The following RAP1GAP2 variants were observed in gnomAD, a reference collection of about 807,000 sequenced individuals.
RAP1GAP2 encodes RAP1 GTPase activating protein 2.
RAP1GAP2 carries 27 observed loss-of-function variants against 95.0 expected under a neutral mutation model. The ratio of observed to expected loss-of-function variants is 0.28; its 90% CI spans 0.21 to 0.39. The LOEUF is 0.39. Ranked by LOEUF, RAP1GAP2 falls within the 10% of genes least tolerant of loss-of-function variation. RAP1GAP2 has a pLI of 1.00. For missense variants in RAP1GAP2, 771 were observed against 970.0 expected (o/e 0.79, Z 2.72); for synonymous variants, 373 against 380.9 (o/e 0.98, Z 0.24).
intron 2 of RAP1GAP2, among the ~76,000 whole-genome samples, chr17:2,820,911 T>TTTTTTG (rs1300122258): frequency 7.1e-6 from 1 of 141,324 alleles, no homozygotes; most frequent in African/African-American, 2.6e-5. Context: ...TTTTTTTTTG[T>TTTTTTG]ATTTTTAGTA....
intron 12 of RAP1GAP2, among the ~76,000 whole-genome samples, chr17:2,992,152 C>T (rs1212049856): frequency 6.7e-6 from 1 of 148,696 alleles, no homozygotes; most frequent in Non-Finnish European, 1.5e-5. Flanking sequence ...GGAGTCCATA[C>T]AACAGTCTAT....
At chr17:2,865,507 A>T (rs918631292) in intron 2 of RAP1GAP2, among the ~76,000 whole-genome samples, 2 of 152,214 alleles carry the variant, frequency 1.3e-5, no homozygotes, top group African/African-American at 4.8e-5. Context: ...ATGAACTGGA[A>T]GGTCCCGGCT....
chr17:2,813,340 G>A (rs909633999), intron 2 of RAP1GAP2, among the ~76,000 whole-genome samples: 2 of 152,098 alleles, frequency 1.3e-5, no homozygotes, highest in Admixed American at 6.6e-5. Flanking sequence ...CTCCCAAAGT[G>A]CTGGGAATAC....
intron 2 of RAP1GAP2, among the ~76,000 whole-genome samples, chr17:2,884,040 G>A (rs143109450): frequency 4.6e-5 from 7 of 152,352 alleles, no homozygotes; most frequent in Non-Finnish European, 1.0e-4. Context: ...GGGAGAGCAG[G>A]TGTGTCCTTT....
At chr17:2,776,631 G>T (rs1370991016), upstream of RAP1GAP2, among the ~76,000 whole-genome samples, 1 of 151,564 alleles carries the variant, frequency 6.6e-6, no homozygotes, top group Non-Finnish European at 1.5e-5. Flanking sequence ...TGGCGGAGGC[G>T]CGGCGAGGGC....
At chr17:2,962,888 C>T (rs1168708170) in intron 5 of RAP1GAP2, 174 bp downstream of exon 5, 3 of 633,312 alleles carry the variant, frequency 4.7e-6, no homozygotes, top group Non-Finnish European at 7.9e-6. Flanking sequence ...CGGTGGGCAG[C>T]AGAGGGGTCC....
rs990593437 is a variant in RAP1GAP2 at position 2,926,125 on chromosome 17, CAA to C, written c.165+20775_165+20776del. Among the ~76,000 whole-genome samples, 24 of 59,636 alleles carry C rather than the reference CAA, an allele frequency of 4.0e-4. No homozygotes were observed. In the South Asian group the frequency reaches 4.3e-3, roughly 11 times the overall value. 39.1% of individuals were successfully genotyped at this position (59,636 alleles called of 152,430 possible). A position where few individuals can be genotyped will look rare whatever the true frequency, so the allele number is the denominator to read the frequency against. ...CGGGCAACACAGCAAGCCTCTGTCT[CAA>C]AAAAAAAAAAAAAAAAAGGAACCTG... On this transcript the variant is annotated intron_variant, in intron 3 of 24. Coordinates refer to ENST00000254695, the MANE Select transcript of RAP1GAP2 (RefSeq NM_015085.5).
At chr17:2,865,058 G>A (rs955072138) in intron 2 of RAP1GAP2, among the ~76,000 whole-genome samples, 1 of 152,146 alleles carries the variant, frequency 6.6e-6, no homozygotes, top group Non-Finnish European at 1.5e-5. Flanking sequence ...AAGGGATGGC[G>A]TCTCCAATGT....
chr17:2,949,726 C>T (rs2043845510), intron 3 of RAP1GAP2, among the ~76,000 whole-genome samples: 2 of 152,214 alleles, frequency 1.3e-5, no homozygotes, highest in South Asian at 2.1e-4. Context: ...ATGCAGCCAT[C>T]TCAGGGTGTG....
chr17:2,869,818 T>C (rs1296842834), intron 2 of RAP1GAP2, among the ~76,000 whole-genome samples: 1 of 152,202 alleles, frequency 6.6e-6, no homozygotes, highest in Admixed American at 6.5e-5. Flanking sequence ...TGGCCAGCCG[T>C]CAGCCAGCAC....
At chr17:2,994,868 C>T (rs1472634832) in intron 12 of RAP1GAP2, among the ~76,000 whole-genome samples, 2 of 152,224 alleles carry the variant, frequency 1.3e-5, no homozygotes, top group African/African-American at 4.8e-5. Flanking sequence ...GGCTGGAGTG[C>T]AGTGGCGCCA....
intron 3 of RAP1GAP2, among the ~76,000 whole-genome samples, chr17:2,907,500 A>C (rs2042236680): frequency 6.6e-6 from 1 of 152,138 alleles, no homozygotes; most frequent in Admixed American, 6.5e-5. Flanking sequence ...CTGCACAGTT[A>C]AACGTGGTGA....
intron 23 of RAP1GAP2, among the ~76,000 whole-genome samples, chr17:3,031,330 T>C (rs1000207970): frequency 3.3e-5 from 5 of 151,320 alleles, no homozygotes; most frequent in Non-Finnish European, 5.9e-5. Flanking sequence ...GAAGGGCTGG[T>C]TCCTGGGTCC....
chr17:2,795,998 A>T (rs1417043306), upstream of RAP1GAP2, among the ~76,000 whole-genome samples: 1 of 151,986 alleles, frequency 6.6e-6, no homozygotes, highest in Non-Finnish European at 1.5e-5. Context: ...GTGGAATGAC[A>T]TGTGTGTGGC....
chr17:3,006,978 C>A (rs748099654), intron 16 of RAP1GAP2, among the ~76,000 whole-genome samples: 20 of 152,152 alleles, frequency 1.3e-4, no homozygotes, highest in Admixed American at 2.6e-4. Context: ...TCAGGGAAGG[C>A]TTCCTGGAGG....
At chr17:3,007,426 TATGGAAGGAA>T (rs1273012356) in intron 16 of RAP1GAP2, among the ~76,000 whole-genome samples, 3 of 152,062 alleles carry the variant, frequency 2.0e-5, no homozygotes, top group African/African-American at 7.3e-5. Flanking sequence ...GCTTATACTG[TATGGAAGGAA>T]ATGGTTTAGG....
At chr17:2,876,904 T>TC (rs2073120394) in intron 2 of RAP1GAP2, among the ~76,000 whole-genome samples, 1 of 149,576 alleles carries the variant, frequency 6.7e-6, no homozygotes, top group African/African-American at 2.5e-5. Context: ...TTTTTTTTTT[T>TC]CTTGAGACGG....
At chr17:2,775,589 T>TCATGATCCACAGGGTCAGGAGGC (rs1260530507), upstream of RAP1GAP2, among the ~76,000 whole-genome samples, 2 of 151,712 alleles carry the variant, frequency 1.3e-5, no homozygotes, top group East Asian at 1.9e-4. Flanking sequence ...TAGAGCAGAG[T>TCATGATCCACAGGGTCAGGAGGC]CATGATCCAC....
chr17:2,819,176 A>G (rs1313923538), intron 2 of RAP1GAP2, among the ~76,000 whole-genome samples: 4 of 151,144 alleles, frequency 2.6e-5, no homozygotes, highest in Admixed American at 6.6e-5. Context: ...CCGCTACCAC[A>G]CCCGGCTAAT....
Sources: gnomAD v4.1 joint callset for allele counts (sites outside exome capture counted in the v4.1 genomes callset) on GRCh38, gnomAD v4.1.1 for gene constraint, MANE v1.5 for transcripts, NCBI Gene and HGNC (gene_info 2026-07-23, HGNC 2026-07-21) for gene names.